Variants in ACTN1 observed in about 807,000 individuals in gnomAD.
ACTN1 encodes actinin alpha 1, also known as alpha-actinin-1.
ACTN1 carries 30 observed loss-of-function variants against 119.6 expected under a neutral mutation model. The observed-to-expected ratio is 0.25, with a 90% CI of 0.19 to 0.34. The LOEUF (loss-of-function observed/expected upper bound fraction) is 0.34, where lower values mean the gene tolerates loss of function less well. ACTN1 is among the 10% of genes least tolerant of loss of function. The pLI is 1.00. For synonymous variants in ACTN1, 429 were observed against 472.6 expected, an observed-to-expected ratio of 0.91 and a Z score of 1.20; for missense variants, 764 against 1,223.4, an observed-to-expected ratio of 0.62 and a Z score of 5.60.
At chr14:68,959,721 C>T (rs777938333) in intron 1 of ACTN1, among the ~76,000 whole-genome samples, 2 of 152,058 alleles carry the variant, frequency 1.3e-5, no homozygotes, top group South Asian at 2.1e-4. Flanking sequence ...GGGGGTTGAA[C>T]GAAATGGGGA....
chr14:68,938,891 C>A (rs2035655063), intron 1 of ACTN1, among the ~76,000 whole-genome samples: 1 of 151,382 alleles, frequency 6.6e-6, no homozygotes, highest in South Asian at 2.1e-4. Flanking sequence ...GGGCCTCTGG[C>A]CAAGAGGAGG....
chr14:68,941,144 A>G (rs2035751648), intron 1 of ACTN1, among the ~76,000 whole-genome samples: 1 of 152,252 alleles, frequency 6.6e-6, no homozygotes, highest in Non-Finnish European at 1.5e-5. Flanking sequence ...GCCCCTGAAG[A>G]GCAGCCAGGG....
Position 68,979,124 on chromosome 14 carries a change from T to C in ACTN1, c.-68A>G. 1.2e-6 allele frequency: 1 copy of C among 852,112 alleles called. No homozygotes were observed. The highest frequency in any genetic ancestry group is 1.7e-6 in the Non-Finnish European group (1 of 574,716). 52.8% of individuals were successfully genotyped at this position (852,112 alleles called of 1,614,324 possible). A position where few individuals can be genotyped will look rare whatever the true frequency, so the allele number is the denominator to read the frequency against. Reference sequence around the variant, plus strand: ...TCTCTCTGAGCAACGGCTGCTGCCCTGGCGTGGGGAGGGAGTAGGGCTGGG... The same window carrying C: ...TCTCTCTGAGCAACGGCTGCTGCCCCGGCGTGGGGAGGGAGTAGGGCTGGG... On this transcript the variant is annotated 5_prime_UTR_variant, in exon 1 of 22. Coordinates refer to ENST00000394419, the MANE Select transcript of ACTN1 (RefSeq NM_001130004.2).
At chr14:68,961,730 C>A (rs749725844) in intron 1 of ACTN1, among the ~76,000 whole-genome samples, 3 of 152,220 alleles carry the variant, frequency 2.0e-5, no homozygotes, top group Non-Finnish European at 4.4e-5. Flanking sequence ...TCCCTCACAA[C>A]TGGGCATCTG....
intron 1 of ACTN1, among the ~76,000 whole-genome samples, chr14:68,953,819 G>A (rs1229108898): frequency 1.3e-5 from 2 of 151,698 alleles, no homozygotes; most frequent in Non-Finnish European, 2.9e-5. Flanking sequence ...CCCAGGAGGT[G>A]GAGTTGCAGT....
chr14:68,919,599 T>C (rs1356053326), intron 3 of ACTN1, among the ~76,000 whole-genome samples: 1 of 152,240 alleles, frequency 6.6e-6, no homozygotes, highest in Non-Finnish European at 1.5e-5. Flanking sequence ...GGCCACAGGA[T>C]GTAGAAACCA....
At chr14:68,943,462 G>A (rs75124823) in intron 1 of ACTN1, among the ~76,000 whole-genome samples, 5,074 of 152,144 alleles carry the variant, frequency 0.033, 139 homozygotes, top group African/African-American at 0.074. Flanking sequence ...CACCAGCACC[G>A]GGGCTCCTAG....
At chr14:68,908,936 G>A (rs1369859664) in intron 6 of ACTN1, among the ~76,000 whole-genome samples, 1 of 152,238 alleles carries the variant, frequency 6.6e-6, no homozygotes, top group Non-Finnish European at 1.5e-5. Flanking sequence ...AGGACAAGGC[G>A]GGGATGAACT....
intron 1 of ACTN1, among the ~76,000 whole-genome samples, chr14:68,927,340 C>T (rs1031915476): frequency 2.6e-5 from 4 of 152,230 alleles, no homozygotes; most frequent in African/African-American, 9.6e-5. Flanking sequence ...CACTTGTCAG[C>T]TCCACACCCC....
chr14:68,951,362 G>A (rs937511138), intron 1 of ACTN1, among the ~76,000 whole-genome samples: 5 of 152,196 alleles, frequency 3.3e-5, no homozygotes, highest in Non-Finnish European at 7.3e-5. Context: ...TACAGGAGAG[G>A]AAGCCAGAGT....
chr14:68,909,270 C>T lies in ACTN1; in HGVS notation c.594+48G>A, dbSNP rs1487730250. ...GGGTCCTAGTCCTGCTCTTTTCCCA[C>T]CCCACCTGCCAGGGACCCAAAGCGG... On this transcript the variant is annotated intron_variant, in intron 6 of 21. Coordinates refer to ENST00000394419, the MANE Select transcript of ACTN1 (RefSeq NM_001130004.2). The surrounding 1 kb of genome is among the most constrained non-coding windows in gnomAD (Gnocchi z 4.1). The T allele has an allele frequency of 5.0e-6, 8 of 1,585,310 alleles. No individual in the cohort carries two copies. The highest frequency in any genetic ancestry group is 1.9e-4 in the Middle Eastern group (1 of 5,158).
Position 68,879,159 on chromosome 14 carries a change from G to T in ACTN1, c.2281-90C>A. The T allele has an allele frequency of 1.1e-6, 1 of 886,030 alleles. No homozygotes were observed. Among genetic ancestry groups the T allele is most frequent in the Non-Finnish European group, 1.6e-6 (1 of 637,368 alleles). The allele number at this position is 886,030 out of a possible 1,614,324, so 54.9% of individuals were successfully genotyped here. ...CATGCCCCGGGGGAGGGTGGCGTGT[G>T]TGGGGAGACACAGGGACAGGCATGC... On this transcript the variant is annotated intron_variant, in intron 18 of 21. Coordinates refer to ENST00000394419, the MANE Select transcript of ACTN1 (RefSeq NM_001130004.2). The surrounding 1 kb of genome is among the most constrained non-coding windows in gnomAD (Gnocchi z 4.9).
intron 8 of ACTN1, among the ~76,000 whole-genome samples, chr14:68,898,051 T>C (rs1165105075): frequency 6.6e-6 from 1 of 152,232 alleles, no homozygotes; most frequent in Non-Finnish European, 1.5e-5. Flanking sequence ...TGGCCGGCAG[T>C]CTTGTGACTG....
chr14:68,883,121 C>A, intron 14 of ACTN1, 66 bp from the exon 15 acceptor site: 1 of 1,531,978 alleles, frequency 6.5e-7, no homozygotes, highest in Non-Finnish European at 8.9e-7. Context: ...GTGGAAGGGC[C>A]ATGGAGGTTG....
In ACTN1 at chr14:68,925,309, C is replaced by T. The variant is rs1382189363; in HGVS notation, c.220+249G>A. ...TGGGGAGGAGAAGGAACCTCAGTTC[C>T]TTCAAACCCTTTTTTTTTTTTTTTT... On this transcript the variant is annotated intron_variant, in intron 2 of 21. Transcript: ENST00000394419. The surrounding 1 kb of genome is among the most constrained non-coding windows in gnomAD (Gnocchi z 4.3). Among the ~76,000 whole-genome samples, 2 of 146,916 alleles carry T rather than the reference C, an allele frequency of 1.4e-5. No individual in the cohort carries two copies. Among genetic ancestry groups the T allele is most frequent in the African/African-American group, 5.0e-5 (2 of 39,726 alleles).
chr14:68,930,892 C>T (rs961710969), intron 1 of ACTN1, among the ~76,000 whole-genome samples: 25 of 152,198 alleles, frequency 1.6e-4, no homozygotes, highest in African/African-American at 5.8e-4. Flanking sequence ...TGTTAACACA[C>T]CTCATAAAAG....
intron 1 of ACTN1, among the ~76,000 whole-genome samples, chr14:68,955,416 C>T (rs956118769): frequency 7.2e-5 from 11 of 152,236 alleles, no homozygotes; most frequent in Non-Finnish European, 1.0e-4. Flanking sequence ...CAAACCCCTA[C>T]TGTCACGCGG....
intron 13 of ACTN1, 85 bp downstream of exon 13, chr14:68,884,690 C>T: frequency 8.3e-7 from 1 of 1,207,214 alleles, no homozygotes; most frequent in Admixed American, 1.8e-5. Context: ...AGTCTTTTAG[C>T]CCAAAGCAAA....
At chr14:68,960,384 A>G (rs1022316470) in intron 1 of ACTN1, among the ~76,000 whole-genome samples, 1 of 152,206 alleles carries the variant, frequency 6.6e-6, no homozygotes, top group Admixed American at 6.5e-5. Context: ...CAACTATGTG[A>G]GGTGATGGAT....
Sources: allele counts gnomAD v4.1 joint callset (sites outside exome capture counted in the v4.1 genomes callset), GRCh38; gene constraint gnomAD v4.1.1; non-coding constraint Gnocchi (gnomAD v3.1); transcripts MANE v1.5; gene names NCBI Gene and HGNC (gene_info 2026-07-23, HGNC 2026-07-21).